Variants in PSIP1 observed in about 807,000 individuals in gnomAD.
PSIP1 encodes PC4 and SFRS1-interacting protein.
Under a neutral mutation model 74.7 loss-of-function variants are expected in PSIP1, and 19 were observed. That is an observed-to-expected ratio of 0.25 (90% CI 0.18 to 0.37). PSIP1 has a LOEUF of 0.37. Among genes scored for constraint, PSIP1 ranks in the 10% least tolerant of loss-of-function variants. The pLI, the probability that PSIP1 is intolerant of heterozygous loss-of-function variation, is 1.00. For synonymous variants in PSIP1, 222 were observed against 195.3 expected, an observed-to-expected ratio of 1.14 and a Z score of -1.14; for missense variants, 601 against 614.3, an observed-to-expected ratio of 0.98 and a Z score of 0.23.
At chr9:15,489,950 A>G (rs749273296) in intron 4 of PSIP1, 36 bp downstream of exon 4, 2 of 1,452,328 alleles carry the variant, frequency 1.4e-6, no homozygotes, top group South Asian at 2.8e-5. Flanking sequence ...CCCAGGATTA[A>G]ATAAGTAATA....
chr9:15,473,927 CAAAAAAAAAACAA>C (rs2035959565), intron 9 of PSIP1, 69 bp downstream of exon 9: 3 of 514,486 alleles, frequency 5.8e-6, no homozygotes, highest in Non-Finnish European at 5.4e-6. Context: ...AAAAAAAAAA[CAAAAAAAAAACAA>C]AGAAAAAACA....
chr9:15,507,356 TAAC>T (rs1418587231), intron 2 of PSIP1, among the ~76,000 whole-genome samples: 3 of 152,156 alleles, frequency 2.0e-5, no homozygotes, highest in East Asian at 1.9e-4. Context: ...AGCTAGAATT[TAAC>T]AACATGTCGG....
At chr9:15,483,428 T>C (rs529687155) in intron 6 of PSIP1, among the ~76,000 whole-genome samples, 6 of 151,798 alleles carry the variant, frequency 4.0e-5, no homozygotes, top group African/African-American at 1.4e-4. Flanking sequence ...CCATCTCTCG[T>C]CTACACCACT....
Position 15,490,023 on chromosome 9 carries a change from A to G in PSIP1, c.251T>C (p.Ile84Thr). The G allele has an allele frequency of 6.3e-7, 1 of 1,592,444 alleles. No homozygotes were observed. Residue 84 changes from isoleucine (I) to threonine (T), a missense_variant, in exon 4 of 16, where the codon ATA (isoleucine) becomes ACA (threonine). Ile to Thr is a moderately conservative substitution (Grantham distance 89). This residue lies in a region of PSIP1 where 63 missense variants were observed against 106.7 expected (regional missense o/e 0.59). Coordinates refer to ENST00000380733, the MANE Select transcript of PSIP1 (RefSeq NM_033222.5). ...AAATTTCACTTTTGGATTGTTATCT[A>G]TCTCCCATAAACCTTCATTAAAACC... ...RKGFNEGLWE[I>T]DNNPKVKFSS...
Position 15,474,253 on chromosome 9 carries a change from TAAC to T in PSIP1, c.630-19_630-17del, listed in dbSNP as rs1563871251. On this transcript the variant is annotated splice_polypyrimidine_tract_variant and intron_variant, in intron 8 of 15. Transcript: ENST00000380733. ...TTCAGTAATGCTATTTTAGAGAACA[TAAC>T]AATGTATACTTGTCATTCAACTATA... 3.2e-6 allele frequency: 5 copies of T among 1,569,406 alleles called. No individual in the cohort carries two copies. The highest frequency in any genetic ancestry group is 2.3e-5 in the South Asian group (2 of 86,008).
chr9:15,494,334 G>C (rs2036972777), intron 3 of PSIP1, among the ~76,000 whole-genome samples: 1 of 152,042 alleles, frequency 6.6e-6, no homozygotes, highest in South Asian at 2.1e-4. Flanking sequence ...GGGAGGCCTA[G>C]CAGGGCAGAT....
At chr9:15,476,690 T>C (rs1587474260) in intron 8 of PSIP1, among the ~76,000 whole-genome samples, 2 of 152,164 alleles carry the variant, frequency 1.3e-5, no homozygotes, top group African/African-American at 4.8e-5. Context: ...TGTTATTAAA[T>C]ATAAAAAGAC....
intron 8 of PSIP1, among the ~76,000 whole-genome samples, chr9:15,475,169 T>C (rs2132064635): frequency 6.6e-6 from 1 of 152,306 alleles, no homozygotes; most frequent in South Asian, 2.1e-4. Context: ...CTTTAGAAAC[T>C]TTTTATTATA....
At chr9:15,469,121 TAAAGATCGTTTCC>T in intron 12 of PSIP1, 63 bp from the exon 13 acceptor site, 1 of 1,487,836 alleles carries the variant, frequency 6.7e-7, no homozygotes, top group South Asian at 1.2e-5. Flanking sequence ...AATCTGTTTC[TAAAGATCGTTTCC>T]AAAAAAAAAG....
At position 15,465,146 on chromosome 9, in the gene PSIP1, A is replaced by C. The variant is rs2035531713; in HGVS notation, c.*374T>G. On this transcript the variant is annotated 3_prime_UTR_variant, in exon 16 of 16. Coordinates refer to ENST00000380733, the MANE Select transcript of PSIP1 (RefSeq NM_033222.5). ...AAGGTTTGTAAAAACTATGCACAAA[A>C]CCCACAGTATTTGGGAAAAGAGGCA... The C allele has an allele frequency of 4.2e-6, 1 of 236,590 alleles. No individual in the cohort carries two copies. Among genetic ancestry groups the C allele is most frequent in the African/African-American group, 2.2e-5 (1 of 45,368 alleles). The allele number at this position is 236,590 out of a possible 1,614,324, so 14.7% of individuals were successfully genotyped here.
At position 15,486,763 on chromosome 9, in the gene PSIP1, C is replaced by G. The variant is rs182653899; in HGVS notation, c.393+64G>C. 1.7e-5 allele frequency: 20 copies of G among 1,159,308 alleles called. 1 individual carries two copies. The highest frequency in any genetic ancestry group is 5.3e-4 in the Middle Eastern group (2 of 3,764). The allele number at this position is 1,159,308 out of a possible 1,614,324, so 71.8% of individuals were successfully genotyped here. A position where few individuals can be genotyped will look rare whatever the true frequency, so the allele number is the denominator to read the frequency against. On this transcript the variant is annotated intron_variant, in intron 5 of 15. Transcript: ENST00000380733. ...TTACTTACTAATTAATCATGGCCAA[C>G]TCATTTCATTATTTCTTCCTTGAAA...
At chr9:15,475,607 T>A (rs140270246) in intron 8 of PSIP1, among the ~76,000 whole-genome samples, 35 of 152,286 alleles carry the variant, frequency 2.3e-4, no homozygotes, top group Middle Eastern at 3.4e-3. Flanking sequence ...ATCTTAAGAA[T>A]TATAAAACAT....
At chr9:15,468,046 G>A (rs903501026) in intron 14 of PSIP1, among the ~76,000 whole-genome samples, 2 of 146,408 alleles carry the variant, frequency 1.4e-5, no homozygotes, top group African/African-American at 2.7e-5. Context: ...CTTGAACCCA[G>A]AAGGTGGAGG....
intron 10 of PSIP1, chr9:15,471,168 G>C (rs2035810843): frequency 1.2e-6 from 2 of 1,606,668 alleles, no homozygotes; most frequent in Non-Finnish European, 1.7e-6. Flanking sequence ...TTCAGTAACT[G>C]GATTAATGCT....
At chr9:15,509,221 CAG>C (rs898189646) in intron 2 of PSIP1, among the ~76,000 whole-genome samples, 2 of 152,308 alleles carry the variant, frequency 1.3e-5, no homozygotes, top group Non-Finnish European at 2.9e-5. Flanking sequence ...AATAAAACTT[CAG>C]AACCCCATGT....
chr9:15,501,489 G>A (rs1311783877), intron 3 of PSIP1, among the ~76,000 whole-genome samples: 1 of 152,052 alleles, frequency 6.6e-6, no homozygotes, highest in Non-Finnish European at 1.5e-5. Flanking sequence ...ATATCCGAAG[G>A]CATAACCTTC....
In PSIP1 at chr9:15,469,487, A is replaced by ACT. The variant is rs534569159; in HGVS notation, c.1034-153_1034-152dup. 108 of 560,090 alleles carry ACT rather than the reference A, an allele frequency of 1.9e-4. No individual in the cohort carries two copies. In the African/African-American group the frequency reaches 2.1e-3, roughly 11 times the overall value. 34.7% of individuals were successfully genotyped at this position (560,090 alleles called of 1,614,324 possible). A position where few individuals can be genotyped will look rare whatever the true frequency, so the allele number is the denominator to read the frequency against. ...GCTCAAAGATATGCACAATAGCTTA[A>ACT]CTAAGAATAAGTACTTATTGCCATT... is the stretch of plus-strand genomic sequence containing the variant. On this transcript the variant is annotated intron_variant, in intron 11 of 15. Coordinates refer to ENST00000380733, the MANE Select transcript of PSIP1 (RefSeq NM_033222.5).
chr9:15,482,651 T>C (rs559587780), intron 6 of PSIP1, among the ~76,000 whole-genome samples: 1 of 152,324 alleles, frequency 6.6e-6, no homozygotes, highest in African/African-American at 2.4e-5. Context: ...AAATAATTTA[T>C]ACTGACTCCA....
intron 2 of PSIP1, among the ~76,000 whole-genome samples, chr9:15,509,336 A>T (rs2037742700): frequency 6.6e-6 from 1 of 152,182 alleles, no homozygotes; most frequent in South Asian, 2.1e-4. Flanking sequence ...CACCATAAAC[A>T]AAAAGAACCC....
Sources: allele counts gnomAD v4.1 joint callset (sites outside exome capture counted in the v4.1 genomes callset), GRCh38; gene constraint gnomAD v4.1.1; regional missense constraint gnomAD v4.1.1; transcripts MANE v1.5; gene names NCBI Gene and HGNC (gene_info 2026-07-23, HGNC 2026-07-21).